Variants in MAP3K21 observed in about 807,000 individuals in gnomAD.
The protein encoded by MAP3K21 is mitogen-activated protein kinase kinase kinase MLK4.
MAP3K21 carries 63 observed loss-of-function variants against 86.1 expected under a neutral mutation model. That is an observed-to-expected ratio of 0.73 (90% CI 0.60 to 0.90). The LOEUF (loss-of-function observed/expected upper bound fraction) is 0.90. Ranked by LOEUF, MAP3K21 falls within the 40% of genes least tolerant of loss-of-function variation. MAP3K21 has a pLI of 0.00. For synonymous variants in MAP3K21, 558 were observed against 564.8 expected, an observed-to-expected ratio of 0.99 and a Z score of 0.17; for missense variants, 1,220 against 1,367.7, an observed-to-expected ratio of 0.89 and a Z score of 1.70.
In MAP3K21 at chr1:233,353,546, G is replaced by A. The variant is rs187017084; in HGVS notation, c.987-261G>A. On this transcript the variant is annotated intron_variant, in intron 2 of 9. Coordinates refer to ENST00000366624, the MANE Select transcript of MAP3K21 (RefSeq NM_032435.3). ...TAATTCAATTGTGTACTACTCTTAC[G>A]CTTTCCTATTCATGAAGTAGTTTTA... 5.3e-5 allele frequency among the ~76,000 whole-genome samples: 8 copies of A among 152,270 alleles called. No individual in the cohort carries two copies. The South Asian group carries it at 6.2e-4, about 12-fold the overall frequency.
intron 8 of MAP3K21, among the ~76,000 whole-genome samples, chr1:233,378,152 A>G (rs141814578): frequency 3.6e-4 from 55 of 152,310 alleles, no homozygotes; most frequent in African/African-American, 1.2e-3. Context: ...TAGGTATACT[A>G]GGATGTAGTG....
In MAP3K21 at chr1:233,353,942, C is replaced by G; in HGVS notation, c.1122C>G (p.Ala374=). 2.5e-6 allele frequency: 4 copies of G among 1,604,494 alleles called. No homozygotes were observed. The highest frequency in any genetic ancestry group is 3.4e-6 in the Non-Finnish European group (4 of 1,175,924). Residue 374 remains alanine, a synonymous_variant, in exon 3 of 10, where the codon GCC becomes GCG. Transcript: ENST00000366624. Reference sequence around the variant, plus strand: ...CATCCACCTGCCCTGAGCCGTTTGCCAAGCTCATGAAAGGTATTGTGTGTG... The same window carrying G: ...CATCCACCTGCCCTGAGCCGTTTGCGAAGCTCATGAAAGGTATTGTGTGTG... ...PIPSTCPEPF[A]KLMKECWQQD...
At chr1:233,368,962 T>C (rs1300433875) in intron 5 of MAP3K21, among the ~76,000 whole-genome samples, 3 of 152,226 alleles carry the variant, frequency 2.0e-5, no homozygotes, top group Non-Finnish European at 4.4e-5. Context: ...TGCAAGGCAC[T>C]GTGCCAGTCT....
chr1:233,337,462 C>T (rs1011230955), intron 1 of MAP3K21, among the ~76,000 whole-genome samples: 9 of 152,170 alleles, frequency 5.9e-5, no homozygotes, highest in African/African-American at 1.9e-4. Context: ...TTAAATATTT[C>T]CTAATGTTGT....
At chr1:233,344,215 A>G (rs2102762542) in intron 1 of MAP3K21, among the ~76,000 whole-genome samples, 1 of 152,364 alleles carries the variant, frequency 6.6e-6, no homozygotes, top group East Asian at 1.9e-4. Flanking sequence ...TTCTTCACAG[A>G]ATTGGAGAAA....
intron 5 of MAP3K21, 132 bp downstream of exon 5, chr1:233,362,425 G>T: frequency 2.1e-6 from 2 of 944,496 alleles, no homozygotes; most frequent in South Asian, 3.2e-5. Context: ...AGTATCTTCA[G>T]CTGTAGGCTT....
intron 5 of MAP3K21, among the ~76,000 whole-genome samples, chr1:233,369,380 A>T (rs1298637473): frequency 1.3e-5 from 2 of 152,124 alleles, no homozygotes; most frequent in East Asian, 3.9e-4. Flanking sequence ...ACAGAGCAAG[A>T]CTCCATCTCC....
chr1:233,373,535 A>G (rs1157655552), intron 6 of MAP3K21: 1 of 152,254 alleles, frequency 6.6e-6, no homozygotes, highest in Non-Finnish European at 1.5e-5. Context: ...CAGAAGTAAC[A>G]TGGTGGAAAG....
intron 2 of MAP3K21, among the ~76,000 whole-genome samples, chr1:233,347,346 G>A (rs1261454963): frequency 6.6e-6 from 1 of 152,176 alleles, no homozygotes; most frequent in East Asian, 1.9e-4. Context: ...ACTGGGAGCT[G>A]CACTCAAATG....
intron 1 of MAP3K21, among the ~76,000 whole-genome samples, chr1:233,343,637 A>G (rs79036966): frequency 0.014 from 2,118 of 152,332 alleles, 54 homozygotes; most frequent in African/African-American, 0.048. Flanking sequence ...AAATGAGTAC[A>G]TAGTGGTTAG....
chr1:233,353,780 T>C, intron 2 of MAP3K21, 27 bp from the exon 3 acceptor site: 1 of 1,541,130 alleles, frequency 6.5e-7, no homozygotes, highest in Non-Finnish European at 8.7e-7. Flanking sequence ...TTTAGCCCAT[T>C]GAGCATATGA....
intron 2 of MAP3K21, among the ~76,000 whole-genome samples, chr1:233,351,611 T>C (rs1663254004): frequency 6.6e-6 from 1 of 151,726 alleles, no homozygotes; most frequent in South Asian, 2.1e-4. Flanking sequence ...GGAGAATCAC[T>C]TGAACCCAGG....
chr1:233,371,971 T>C, intron 5 of MAP3K21, 67 bp from the exon 6 acceptor site: 6 of 1,535,144 alleles, frequency 3.9e-6, no homozygotes, highest in Non-Finnish European at 5.3e-6. Flanking sequence ...TGCTGTGTGC[T>C]AAATACATGG....
At chr1:233,346,764 T>C in intron 2 of MAP3K21, 142 bp downstream of exon 2, 1 of 722,366 alleles carries the variant, frequency 1.4e-6, no homozygotes, top group Non-Finnish European at 2.3e-6. Flanking sequence ...AAAATAATTG[T>C]AATGACAACG....
chr1:233,356,148 C>T (rs1663348530), intron 4 of MAP3K21, among the ~76,000 whole-genome samples: 1 of 152,168 alleles, frequency 6.6e-6, no homozygotes, highest in Non-Finnish European at 1.5e-5. Flanking sequence ...TTCTCAGTCC[C>T]TGATAGCTCC....
chr1:233,340,345 C>G (rs149955012), intron 1 of MAP3K21, among the ~76,000 whole-genome samples: 5 of 151,868 alleles, frequency 3.3e-5, no homozygotes, highest in African/African-American at 1.2e-4. Context: ...TTATAGAGGG[C>G]GGAAGAGGAA....
In MAP3K21 at chr1:233,383,830, C is replaced by T. The variant is rs1226053620; in HGVS notation, c.*1119C>T. ...TGTTAGACATCTGTTGAAATAAGCT[C>T]ATATGGTGGAAACGACAACTATATT... On this transcript the variant is annotated 3_prime_UTR_variant, in exon 10 of 10. Transcript: ENST00000366624. The T allele has an allele frequency of 1.3e-5, 2 of 152,066 alleles. No homozygotes were observed. The highest frequency in any genetic ancestry group is 2.9e-5 in the Non-Finnish European group (2 of 68,010). 9.4% of individuals were successfully genotyped at this position (152,066 alleles called of 1,614,324 possible). A position where few individuals can be genotyped will look rare whatever the true frequency, so the allele number is the denominator to read the frequency against.
At chr1:233,373,682 A>C (rs921892375) in intron 6 of MAP3K21, 1 of 152,194 alleles carries the variant, frequency 6.6e-6, no homozygotes, top group South Asian at 2.1e-4. Flanking sequence ...ATGTGTGTGC[A>C]CACCCCCATT....
chr1:233,353,447 G>T (rs1156344737), intron 2 of MAP3K21, among the ~76,000 whole-genome samples: 1 of 152,070 alleles, frequency 6.6e-6, no homozygotes, highest in Non-Finnish European at 1.5e-5. Flanking sequence ...TTAAGTGTGG[G>T]AAAAATGAGA....
Sources: gnomAD v4.1 joint callset for allele counts (sites outside exome capture counted in the v4.1 genomes callset) on GRCh38, gnomAD v4.1.1 for gene constraint, MANE v1.5 for transcripts, NCBI Gene and HGNC (gene_info 2026-07-23, HGNC 2026-07-21) for gene names.